PCDH11X: variants seen among roughly 807,000 people sequenced by gnomAD.
PCDH11X encodes the protein protocadherin 11 X-linked, also known as protocadherin-11 X-linked.
A neutral mutation model predicts 53.3 loss-of-function variants in PCDH11X; 18 were observed. The observed-to-expected ratio is 0.34, with a 90% CI of 0.23 to 0.50. The LOEUF is 0.50. Among genes scored for constraint, PCDH11X ranks in the 20% least tolerant of loss-of-function variants. The probability of loss-of-function intolerance (pLI) is 0.98; values close to 1 mark genes in which losing one functional copy is unlikely to be tolerated. For synonymous variants in PCDH11X, 279 were observed against 393.3 expected (o/e 0.71, Z 3.44); for missense variants, 570 against 1,032.4 (o/e 0.55, Z 6.14).
chrX:92,418,374 C>T (rs752543261), intron 9 of PCDH11X, among the ~76,000 whole-genome samples: 2 of 110,932 alleles, frequency 1.8e-5, no homozygotes, highest in South Asian at 7.6e-4. Flanking sequence ...CTGGAGGCAA[C>T]AGCAGATATT....
chrX:91,797,191 C>T (rs923988329), intron 1 of PCDH11X, among the ~76,000 whole-genome samples: 1 of 110,280 alleles, frequency 9.1e-6, no homozygotes, highest in Non-Finnish European at 1.9e-5. Context: ...AAATATTCTA[C>T]CTATAAAATT....
At chrX:92,217,658 A>G (rs2066751899) in intron 7 of PCDH11X, among the ~76,000 whole-genome samples, 1 of 103,220 alleles carries the variant, frequency 9.7e-6, no homozygotes, top group African/African-American at 3.5e-5. Context: ...ACAGAAAGTT[A>G]ACAAGGATAC....
chrX:92,210,593 C>CT (rs754889685), intron 7 of PCDH11X, among the ~76,000 whole-genome samples: 3 of 111,317 alleles, frequency 2.7e-5, no homozygotes, highest in Non-Finnish European at 5.7e-5. Flanking sequence ...ATTTTTCAAA[C>CT]TTTTATGCTC....
At chrX:91,917,110 A>G (rs914562441) in intron 6 of PCDH11X, among the ~76,000 whole-genome samples, 6 of 111,432 alleles carry the variant, frequency 5.4e-5, no homozygotes, top group Non-Finnish European at 1.1e-4. Flanking sequence ...AAAATCCAGC[A>G]TCCGCTTATG....
chrX:92,563,046 C>T (rs1193448309), intron 10 of PCDH11X, among the ~76,000 whole-genome samples: 1 of 65,441 alleles, frequency 1.5e-5, no homozygotes, highest in African/African-American at 6.0e-5. Flanking sequence ...TCCTTGGTAC[C>T]GTTTTTTTTT....
chrX:91,822,949 A>G (rs1481291587), intron 4 of PCDH11X, among the ~76,000 whole-genome samples: 2 of 110,467 alleles, frequency 1.8e-5, no homozygotes, highest in Non-Finnish European at 3.8e-5. Context: ...GTCATTCAGG[A>G]GCAGGTTGTT....
At chrX:92,320,918 A>G (rs2069185721) in intron 8 of PCDH11X, among the ~76,000 whole-genome samples, 1 of 108,780 alleles carries the variant, frequency 9.2e-6, no homozygotes, top group South Asian at 4.3e-4. Flanking sequence ...ACAAACATGC[A>G]TGTAACATAT....
chrX:92,491,117 A>G (rs938250991), intron 10 of PCDH11X, among the ~76,000 whole-genome samples: 2 of 110,687 alleles, frequency 1.8e-5, no homozygotes, highest in African/African-American at 6.6e-5. Flanking sequence ...ATGAGTGACC[A>G]TATTTTGTCT....
At chrX:92,382,200 G>A (rs936786912) in intron 8 of PCDH11X, among the ~76,000 whole-genome samples, 11 of 111,513 alleles carry the variant, frequency 9.9e-5, no homozygotes, top group African/African-American at 3.6e-4. Context: ...GATTTTATAC[G>A]TAAATCAAAA....
chrX:92,542,526 C>G (rs1458194230), intron 10 of PCDH11X, among the ~76,000 whole-genome samples: 1 of 109,863 alleles, frequency 9.1e-6, no homozygotes, highest in Non-Finnish European at 1.9e-5. Context: ...TATTTTTTCC[C>G]AAGAGTTTAT....
At chrX:91,944,349 T>G (rs1244511842) in intron 6 of PCDH11X, among the ~76,000 whole-genome samples, 2 of 108,082 alleles carry the variant, frequency 1.9e-5, no homozygotes, top group Non-Finnish European at 3.8e-5. Flanking sequence ...ACGTCAAAAC[T>G]ATTGTGATGA....
rs780294310 is a variant in PCDH11X at position 92,353,792 on chromosome X, A to T, written c.3145-33943A>T. ...ATTTTATCTTACTGCTATCAATGTT[A>T]TTTATAGTGTAAAAATAATTATATT... On this transcript the variant is annotated intron_variant, in intron 8 of 10. Coordinates refer to ENST00000682573, the MANE Select transcript of PCDH11X (RefSeq NM_032968.5). 3.6e-5 allele frequency among the ~76,000 whole-genome samples: 4 copies of T among 110,953 alleles called. No homozygotes were observed. The South Asian group carries it at 1.5e-3, about 42-fold the overall frequency.
At chrX:92,479,781 AT>A (rs759883767) in intron 10 of PCDH11X, among the ~76,000 whole-genome samples, 2,144 of 100,697 alleles carry the variant, frequency 0.021, 56 homozygotes, top group African/African-American at 0.072. Context: ...GTTGCCTTTA[AT>A]TTTTTTTTTT....
chrX:91,949,658 A>C (rs192081809), intron 6 of PCDH11X, among the ~76,000 whole-genome samples: 1 of 110,626 alleles, frequency 9.0e-6, no homozygotes, highest in Admixed American at 9.7e-5. Context: ...AAATTAAGTT[A>C]GATTAAATGA....
intron 6 of PCDH11X, among the ~76,000 whole-genome samples, chrX:92,089,745 A>G (rs1260416467): frequency 9.6e-6 from 1 of 104,709 alleles, no homozygotes; most frequent in Non-Finnish European, 2.0e-5. Context: ...CTGGTCTCAA[A>G]CTCCTGACCT....
chrX:92,523,041 A>G (rs962434959), intron 10 of PCDH11X, among the ~76,000 whole-genome samples: 2 of 111,874 alleles, frequency 1.8e-5, no homozygotes, highest in African/African-American at 6.5e-5. Flanking sequence ...AAGGAAAGAA[A>G]ATAAGAGGCA....
At chrX:91,998,981 A>G (rs1481081224) in intron 6 of PCDH11X, among the ~76,000 whole-genome samples, 1 of 109,983 alleles carries the variant, frequency 9.1e-6, no homozygotes, top group Non-Finnish European at 1.9e-5. Context: ...TGATGCAAAC[A>G]CGGCTCACTG....
At chrX:91,815,983 C>T (rs2147569984) in intron 4 of PCDH11X, among the ~76,000 whole-genome samples, 1 of 107,862 alleles carries the variant, frequency 9.3e-6, no homozygotes, top group Admixed American at 9.8e-5. Flanking sequence ...CAAAAATTAG[C>T]TGGGCATGAT....
chrX:92,566,695 T>A (rs1355737054), intron 10 of PCDH11X, among the ~76,000 whole-genome samples: 2 of 111,807 alleles, frequency 1.8e-5, no homozygotes, highest in East Asian at 5.6e-4. Flanking sequence ...ATTTTCACTT[T>A]ATTGTTACAT....
Sources: gnomAD v4.1 joint callset for allele counts (sites outside exome capture counted in the v4.1 genomes callset) on GRCh38, gnomAD v4.1.1 for gene constraint, MANE v1.5 for transcripts, NCBI Gene and HGNC (gene_info 2026-07-23, HGNC 2026-07-21) for gene names.